The following PTH2R variants were observed in gnomAD, a reference collection of about 807,000 sequenced individuals.
PTH2R encodes the protein PTH2 receptor.
PTH2R carries 59 observed loss-of-function variants against 60.3 expected under a neutral mutation model. That is an observed-to-expected ratio of 0.98 (90% confidence interval 0.79 to 1.22). PTH2R has a LOEUF of 1.22. PTH2R is among the 50% of genes most tolerant of loss of function. The pLI is 0.00. For synonymous variants in PTH2R, 256 were observed against 243.8 expected, an observed-to-expected ratio of 1.05 and a Z score of -0.47; for missense variants, 749 against 682.6, an observed-to-expected ratio of 1.10 and a Z score of -1.08.
intron 9 of PTH2R, among the ~76,000 whole-genome samples, chr2:208,480,515 T>C (rs1703122081): frequency 2.0e-5 from 3 of 152,196 alleles, no homozygotes; most frequent in Non-Finnish European, 4.4e-5. Flanking sequence ...TGATTATCTC[T>C]AATGGTATTC....
At chr2:208,388,141 C>CCA (rs1553541038) in intron 1 of PTH2R, among the ~76,000 whole-genome samples, 3 of 150,314 alleles carry the variant, frequency 2.0e-5, no homozygotes, top group East Asian at 2.0e-4. Context: ...AACCCCCCCC[C>CCA]CCGTCTCTAC....
At chr2:208,427,766 C>G (rs1194648672) in intron 1 of PTH2R, among the ~76,000 whole-genome samples, 2 of 151,942 alleles carry the variant, frequency 1.3e-5, no homozygotes, top group Non-Finnish European at 2.9e-5. Flanking sequence ...GAACCAACCA[C>G]TCTTGGTACT....
At chr2:208,413,053 T>A (rs116721558) in intron 1 of PTH2R, among the ~76,000 whole-genome samples, 167 of 152,228 alleles carry the variant, frequency 1.1e-3, no homozygotes, top group African/African-American at 3.9e-3. Context: ...ATACTGTGTA[T>A]CTTCCACCTC....
chr2:208,478,543 G>A (rs7585020), intron 9 of PTH2R, among the ~76,000 whole-genome samples: 23 of 152,048 alleles, frequency 1.5e-4, no homozygotes, highest in African/African-American at 4.6e-4. Context: ...CCTCCCTTTC[G>A]GAGGATTCTT....
intron 1 of PTH2R, among the ~76,000 whole-genome samples, chr2:208,418,729 A>G (rs1462706149): frequency 3.9e-5 from 6 of 152,110 alleles, no homozygotes; most frequent in Admixed American, 2.0e-4. Flanking sequence ...ATGTATCTGT[A>G]TATTTTCCCT....
chr2:208,369,835 A>T (rs1700660141), intron 1 of PTH2R, among the ~76,000 whole-genome samples: 1 of 152,090 alleles, frequency 6.6e-6, no homozygotes. Flanking sequence ...GCACCTGATG[A>T]GACATCATAG....
intron 2 of PTH2R, among the ~76,000 whole-genome samples, chr2:208,437,089 A>G (rs945098347): frequency 6.6e-6 from 1 of 152,316 alleles, no homozygotes; most frequent in Non-Finnish European, 1.5e-5. Flanking sequence ...AGTACTGGTA[A>G]AAAGATAAAC....
chr2:208,365,741 C>CT (rs776318745), intron 1 of PTH2R, among the ~76,000 whole-genome samples: 5,251 of 126,172 alleles, frequency 0.042, 363 homozygotes, highest in African/African-American at 0.14. Context: ...GATGTAAATT[C>CT]TTTTTTTTTT....
intron 11 of PTH2R, among the ~76,000 whole-genome samples, chr2:208,489,508 A>C (rs1703355786): frequency 6.6e-6 from 1 of 152,156 alleles, no homozygotes; most frequent in Non-Finnish European, 1.5e-5. Flanking sequence ...AGGAAAGAGC[A>C]AAAAGGAGTG....
intron 2 of PTH2R, among the ~76,000 whole-genome samples, chr2:208,431,756 C>T (rs1370826779): frequency 6.6e-6 from 1 of 152,186 alleles, no homozygotes; most frequent in Non-Finnish European, 1.5e-5. Flanking sequence ...AATTTCTCCA[C>T]CCCATCAGGC....
At chr2:208,413,141 CCACACACACACACACA>C (rs5838121) in intron 1 of PTH2R, among the ~76,000 whole-genome samples, 4 of 149,766 alleles carry the variant, frequency 2.7e-5, no homozygotes, top group East Asian at 3.9e-4. Context: ...TAAAAAGTGA[CCACACACACACACACA>C]CACACACACA....
At chr2:208,461,193 C>T (rs898916376) in intron 9 of PTH2R, among the ~76,000 whole-genome samples, 1 of 152,032 alleles carries the variant, frequency 6.6e-6, no homozygotes. Flanking sequence ...CTAGGAGAAG[C>T]TCAAAAATCG....
intron 1 of PTH2R, among the ~76,000 whole-genome samples, chr2:208,368,819 T>A (rs1700641471): frequency 6.6e-6 from 1 of 152,184 alleles, no homozygotes; most frequent in Admixed American, 6.5e-5. Flanking sequence ...GGTCAGTGCT[T>A]TACCCAAGTA....
intron 9 of PTH2R, among the ~76,000 whole-genome samples, chr2:208,468,106 C>A (rs1338077664): frequency 6.6e-6 from 1 of 152,144 alleles, no homozygotes; most frequent in African/African-American, 2.4e-5. Flanking sequence ...GGATTTCAGG[C>A]CACATTATTA....
intron 2 of PTH2R, among the ~76,000 whole-genome samples, chr2:208,437,012 G>A (rs1702088355): frequency 6.6e-6 from 1 of 152,126 alleles, no homozygotes. Flanking sequence ...ATGAAGTTCT[G>A]GATTCATCTT....
intron 10 of PTH2R, among the ~76,000 whole-genome samples, chr2:208,484,775 C>A (rs866329672): frequency 6.6e-6 from 1 of 152,014 alleles, no homozygotes. Flanking sequence ...GTTTTAAGGC[C>A]GCATCCATCA....
At chr2:208,400,814 C>A (rs578150781) in intron 1 of PTH2R, among the ~76,000 whole-genome samples, 134 of 152,084 alleles carry the variant, frequency 8.8e-4, no homozygotes, top group Non-Finnish European at 1.3e-3. Flanking sequence ...GCATTATATT[C>A]AACTAATAAA....
At chr2:208,373,897 A>G (rs1387503303) in intron 1 of PTH2R, among the ~76,000 whole-genome samples, 1 of 152,112 alleles carries the variant, frequency 6.6e-6, no homozygotes, top group Non-Finnish European at 1.5e-5. Flanking sequence ...CCAGAATATA[A>G]TTCGCTTTTT....
intron 4 of PTH2R, among the ~76,000 whole-genome samples, chr2:208,440,261 T>C (rs968326114): frequency 6.6e-6 from 1 of 152,118 alleles, no homozygotes; most frequent in Non-Finnish European, 1.5e-5. Context: ...TCTCTTAAAG[T>C]CATAACAATA....
Sources: allele counts gnomAD v4.1 joint callset (sites outside exome capture counted in the v4.1 genomes callset), GRCh38; gene constraint gnomAD v4.1.1; transcripts MANE v1.5; gene names NCBI Gene and HGNC (gene_info 2026-07-23, HGNC 2026-07-21).